Variants in PTPRF observed in about 807,000 individuals in gnomAD.
The protein encoded by PTPRF is receptor-type tyrosine-protein phosphatase F.
PTPRF carries 59 observed loss-of-function variants against 201.8 expected under a neutral mutation model. The observed-to-expected ratio is 0.29, with a 90% CI of 0.24 to 0.36. The LOEUF (loss-of-function observed/expected upper bound fraction) is 0.36. PTPRF is among the 10% of genes least tolerant of loss of function. The pLI is 1.00. For missense variants in PTPRF, 2,132 were observed against 2,690.5 expected (o/e 0.79, Z 4.59); for synonymous variants, 1,088 against 1,089.7 (o/e 1.00, Z 0.03).
chr1:43,578,910 G>A lies in PTPRF; in HGVS notation c.669G>A (p.Leu223=). The A allele has an allele frequency of 6.2e-7, 1 of 1,614,182 alleles. No individual in the cohort carries two copies. The highest frequency in any genetic ancestry group is 8.5e-7 in the Non-Finnish European group (1 of 1,180,018). Residue 223 remains leucine, a synonymous_variant, in exon 7 of 34, where the codon CTG becomes CTA. Transcript: ENST00000359947. ...AGTRYSAPAN[L]YVRVRRVAPR... ...CACGTTACTCAGCCCCTGCGAACCT[G>A]TATGTGCGAGGTAAGGACTCAGGCA... is the stretch of plus-strand genomic sequence containing the variant.
chr1:43,580,857 G>A (rs1647404937), intron 7 of PTPRF, among the ~76,000 whole-genome samples: 1 of 152,270 alleles, frequency 6.6e-6, no homozygotes, highest in Admixed American at 6.5e-5. Context: ...GCCCAGTAGA[G>A]CCACTGTAAA....
chr1:43,617,718 C>G lies in PTPRF; in HGVS notation c.4196-18C>G, dbSNP rs769296091. The G allele has an allele frequency of 1.2e-6, 2 of 1,608,440 alleles. No individual in the cohort carries two copies. Among genetic ancestry groups the G allele is most frequent in the African/African-American group, 2.7e-5 (2 of 74,846 alleles). On this transcript the variant is annotated intron_variant, in intron 24 of 33. Transcript: ENST00000359947. The stretch of plus-strand genomic sequence containing the variant: ...GGACCCTGTAGTAATGCCCTCCCAC[C>G]TCCTTTCTTATCCATAGGCGTCCCC...
At chr1:43,535,623 G>A (rs912722140) in intron 1 of PTPRF, among the ~76,000 whole-genome samples, 1 of 152,138 alleles carries the variant, frequency 6.6e-6, no homozygotes, top group Admixed American at 6.5e-5. Flanking sequence ...CTGACCCACT[G>A]CCGGGCCAGG....
intron 3 of PTPRF, among the ~76,000 whole-genome samples, chr1:43,547,210 T>C (rs1557681158): frequency 6.6e-6 from 1 of 152,122 alleles, no homozygotes; most frequent in Non-Finnish European, 1.5e-5. Context: ...CACGCTGACT[T>C]CTTTCAGTGG....
Position 43,603,015 on chromosome 1 carries a change from C to T in PTPRF, c.2341-401C>T, listed in dbSNP as rs964157345. On this transcript the variant is annotated intron_variant, in intron 14 of 33. Transcript: ENST00000359947. This position sits in a 1 kb window ranked among gnomAD's most constrained non-coding sequence, Gnocchi z 5.8. ...GCACTGGTGTCCACAGGCAGCCTTACGCCTGCTTATGCAGGAGCTGTAGGC... is the reference window on the plus strand; with the variant it reads ...GCACTGGTGTCCACAGGCAGCCTTATGCCTGCTTATGCAGGAGCTGTAGGC... 1.3e-5 allele frequency among the ~76,000 whole-genome samples: 2 copies of T among 152,172 alleles called. No individual in the cohort carries two copies. Among genetic ancestry groups the T allele is most frequent in the African/African-American group, 4.8e-5 (2 of 41,428 alleles).
At chr1:43,591,764 C>T in intron 9 of PTPRF, 48 bp from the exon 10 acceptor site, 2 of 1,606,764 alleles carry the variant, frequency 1.2e-6, no homozygotes, top group Non-Finnish European at 1.7e-6. Context: ...CTGGGCACCC[C>T]TGACCTCACG....
intron 17 of PTPRF, 65 bp downstream of exon 17, chr1:43,605,065 A>G (rs1379830322): frequency 3.8e-6 from 6 of 1,590,092 alleles, no homozygotes; most frequent in Non-Finnish European, 5.2e-6. Context: ...CTGTCTTTCC[A>G]GTCCTAACCC....
chr1:43,611,491 G>T (rs1656437855), intron 22 of PTPRF, among the ~76,000 whole-genome samples: 1 of 152,196 alleles, frequency 6.6e-6, no homozygotes, highest in Admixed American at 6.5e-5. Context: ...GAGAAGACTG[G>T]AGGGCTAGGC....
At chr1:43,606,202 C>T (rs754471485) in intron 19 of PTPRF, 38 bp from the exon 20 acceptor site, 2 of 1,587,940 alleles carry the variant, frequency 1.3e-6, no homozygotes, top group South Asian at 2.3e-5. Flanking sequence ...CCGGCATGCT[C>T]CAAGGCCCCT....
At chr1:43,590,327 T>C (rs998888948) in intron 8 of PTPRF, among the ~76,000 whole-genome samples, 4 of 151,972 alleles carry the variant, frequency 2.6e-5, no homozygotes, top group African/African-American at 7.3e-5. Context: ...ATTGATTCTC[T>C]CTTGTACTGA....
intron 3 of PTPRF, among the ~76,000 whole-genome samples, chr1:43,551,670 C>T (rs924276531): frequency 2.0e-5 from 3 of 152,178 alleles, no homozygotes; most frequent in African/African-American, 7.2e-5. Flanking sequence ...ACCCTCCGAG[C>T]CTCTATTTCC....
At chr1:43,584,935 A>G (rs899742047) in intron 7 of PTPRF, among the ~76,000 whole-genome samples, 1 of 152,184 alleles carries the variant, frequency 6.6e-6, no homozygotes, top group African/African-American at 2.4e-5. Flanking sequence ...TGGGCGCCGC[A>G]CCGCCCTATT....
chr1:43,552,384 G>A (rs983981293), intron 3 of PTPRF, among the ~76,000 whole-genome samples: 12 of 152,178 alleles, frequency 7.9e-5, no homozygotes, highest in Non-Finnish European at 1.2e-4. Context: ...ATGTGATCTT[G>A]GACAAGTGAC....
At chr1:43,531,659 G>C (rs1185825414) in intron 1 of PTPRF, among the ~76,000 whole-genome samples, 1 of 149,854 alleles carries the variant, frequency 6.7e-6, no homozygotes, top group Admixed American at 6.6e-5. Flanking sequence ...CGCCGGGCGC[G>C]AGTTTGAAGC....
At position 43,619,490 on chromosome 1, in the gene PTPRF, G is replaced by A; in HGVS notation, c.4849G>A (p.Ala1617Thr). 1.9e-6 allele frequency: 3 copies of A among 1,614,044 alleles called. No homozygotes were observed. Among genetic ancestry groups the A allele is most frequent in the Non-Finnish European group, 2.5e-6 (3 of 1,180,050 alleles). Residue 1617 changes from alanine (A) to threonine (T), a missense_variant, in exon 28 of 34, where the codon GCC becomes ACC. Transcript: ENST00000359947. Reference protein sequence around the residue: ...AATCGHTEVPARNLYAHIQKL... With the variant: ...AATCGHTEVPTRNLYAHIQKL... ...CACGTGCGGCCACACAGAGGTGCCT[G>A]CCCGCAACCTGTATGCCCACATCCA...
At chr1:43,549,478 G>T (rs1273815474) in intron 3 of PTPRF, among the ~76,000 whole-genome samples, 1 of 152,196 alleles carries the variant, frequency 6.6e-6, no homozygotes, top group Non-Finnish European at 1.5e-5. Context: ...GCCTGTCAGG[G>T]TGGCCTAGGT....
At position 43,619,508 on chromosome 1, in the gene PTPRF, C is replaced by T. The variant is rs750332454; in HGVS notation, c.4867C>T (p.His1623Tyr). 5 of 1,614,034 alleles carry T rather than the reference C, an allele frequency of 3.1e-6. No homozygotes were observed. The highest frequency in any genetic ancestry group is 3.4e-6 in the Non-Finnish European group (4 of 1,180,038). ...TEVPARNLYA[H>Y]IQKLGQVPPG... ...GGTGCCTGCCCGCAACCTGTATGCC[C>T]ACATCCAGAAGCTGGGCCAAGTGCC... The change falls in exon 28 of 34, where the codon CAC becomes TAC. Residue 1623 changes from histidine (H) to tyrosine (Y), a missense_variant. This residue lies in a region of PTPRF where 519 missense variants were observed against 659.5 expected (regional missense o/e 0.79). Transcript: ENST00000359947.
chr1:43,534,275 C>T (rs943159150), intron 1 of PTPRF, among the ~76,000 whole-genome samples: 1 of 152,184 alleles, frequency 6.6e-6, no homozygotes, highest in African/African-American at 2.4e-5. Flanking sequence ...AGAGAAAACA[C>T]CAAAGGTTTA....
At position 43,619,582 on chromosome 1, in the gene PTPRF, C is replaced by T. The variant is rs763161909; in HGVS notation, c.4932+9C>T. The stretch of plus-strand genomic sequence containing the variant: ...TGGAGCTCGAGTTCAAGGTGGGGCT[C>T]GGGTGGGCCTGCTTGGCTCCAGGGC... On this transcript the variant is annotated intron_variant, in intron 28 of 33. Transcript: ENST00000359947. 3.7e-6 allele frequency: 6 copies of T among 1,610,954 alleles called. No homozygotes were observed. Among genetic ancestry groups the T allele is most frequent in the African/African-American group, 1.3e-5 (1 of 74,852 alleles).
Sources: allele counts gnomAD v4.1 joint callset (sites outside exome capture counted in the v4.1 genomes callset), GRCh38; gene constraint gnomAD v4.1.1; regional missense constraint gnomAD v4.1.1; non-coding constraint Gnocchi (gnomAD v3.1); transcripts MANE v1.5; gene names NCBI Gene and HGNC (gene_info 2026-07-23, HGNC 2026-07-21).